SDK1: variants seen among roughly 807,000 people sequenced by gnomAD.
The protein encoded by SDK1 is sidekick cell adhesion molecule 1, also known as protein sidekick-1.
In SDK1, 157 loss-of-function variants were observed where a neutral mutation model predicts 245.5. That is an observed-to-expected ratio of 0.64 (90% confidence interval 0.56 to 0.73). The LOEUF (loss-of-function observed/expected upper bound fraction) is 0.73. SDK1 is among the 30% of genes least tolerant of loss of function. The pLI is 0.00. For missense variants in SDK1, 3,583 were observed against 3,002.3 expected, an observed-to-expected ratio of 1.19 and a Z score of -4.52; for synonymous variants, 1,647 against 1,278.5, an observed-to-expected ratio of 1.29 and a Z score of -6.15.
At chr7:3,516,991 G>T (rs1166215839) in intron 1 of SDK1, among the ~76,000 whole-genome samples, 2 of 152,148 alleles carry the variant, frequency 1.3e-5, no homozygotes, top group African/African-American at 2.4e-5. Flanking sequence ...TGATGAGTGT[G>T]TGTGCCTTTT....
At chr7:4,031,726 A>G (rs1350479960) in intron 17 of SDK1, among the ~76,000 whole-genome samples, 1 of 151,176 alleles carries the variant, frequency 6.6e-6, no homozygotes, top group Non-Finnish European at 1.5e-5. Flanking sequence ...TGATTATATC[A>G]ATAAATATAC....
intron 1 of SDK1, among the ~76,000 whole-genome samples, chr7:3,373,283 A>T (rs1411265781): frequency 6.6e-6 from 1 of 152,234 alleles, no homozygotes; most frequent in Non-Finnish European, 1.5e-5. Flanking sequence ...TGAAAGTCTC[A>T]TATAATTTAT....
intron 5 of SDK1, among the ~76,000 whole-genome samples, chr7:3,882,738 T>C (rs539759824): frequency 6.6e-6 from 1 of 152,016 alleles, no homozygotes; most frequent in African/African-American, 2.4e-5. Context: ...TTTTTTTTTT[T>C]AAAAGCCAAC....
chr7:3,858,729 T>C (rs1478527130), intron 5 of SDK1, among the ~76,000 whole-genome samples: 1 of 151,476 alleles, frequency 6.6e-6, no homozygotes, highest in East Asian at 1.9e-4. Context: ...CCCTATCAGG[T>C]GTCAAAGTGT....
At chr7:3,796,492 T>G (rs112732884) in intron 4 of SDK1, among the ~76,000 whole-genome samples, 119 of 152,278 alleles carry the variant, frequency 7.8e-4, no homozygotes, top group African/African-American at 2.8e-3. Flanking sequence ...AGAGCAGTGC[T>G]GGTCCCATTC....
intron 4 of SDK1, among the ~76,000 whole-genome samples, chr7:3,663,260 T>G (rs1783422070): frequency 6.6e-6 from 1 of 152,228 alleles, no homozygotes; most frequent in South Asian, 2.1e-4. Flanking sequence ...AATAGTACAG[T>G]GTCCTACATC....
intron 39 of SDK1, among the ~76,000 whole-genome samples, chr7:4,220,862 C>G (rs1012139600): frequency 2.0e-5 from 3 of 151,968 alleles, no homozygotes; most frequent in Non-Finnish European, 4.4e-5. Flanking sequence ...GCCTCAACCT[C>G]CCCCGGCTGA....
rs183164436 is a variant in SDK1 at position 4,009,661 on chromosome 7, T to G, written c.2132-1305T>G. Among the ~76,000 whole-genome samples, 367 of 152,334 alleles carry G rather than the reference T, an allele frequency of 2.4e-3. 4 individuals are homozygous for G. Among genetic ancestry groups the G allele is most frequent in the Non-Finnish European group, 3.3e-3 (222 of 68,034 alleles). On this transcript the variant is annotated intron_variant, in intron 14 of 44. Transcript: ENST00000404826. ...AGCCATTTTTGGAAGCAGCTTGATT[T>G]GAAATAATTAAAAAGATCCCATCTT...
At chr7:4,200,078 G>C (rs1291092626) in intron 35 of SDK1, among the ~76,000 whole-genome samples, 1 of 152,130 alleles carries the variant, frequency 6.6e-6, no homozygotes, top group African/African-American at 2.4e-5. Flanking sequence ...CTCTGTGACA[G>C]AGTGATACTC....
At chr7:3,353,910 G>A (rs1207247002) in intron 1 of SDK1, among the ~76,000 whole-genome samples, 1 of 151,914 alleles carries the variant, frequency 6.6e-6, no homozygotes, top group Non-Finnish European at 1.5e-5. Flanking sequence ...GGTTGGAGGT[G>A]AAAGTTACGT....
At chr7:4,179,445 C>G (rs936380699) in intron 35 of SDK1, among the ~76,000 whole-genome samples, 1 of 152,058 alleles carries the variant, frequency 6.6e-6, no homozygotes, top group Non-Finnish European at 1.5e-5. Flanking sequence ...GAGGGAAACA[C>G]ATCAGGTGAC....
Position 4,205,925 on chromosome 7 carries a change from C to T in SDK1, c.5145C>T (p.Ala1715=), listed in dbSNP as rs1160092575. The T allele has an allele frequency of 1.9e-6, 3 of 1,562,204 alleles. No individual in the cohort carries two copies. The highest frequency in any genetic ancestry group is 2.7e-5 in the African/African-American group (2 of 73,590). Residue 1715 remains alanine, a synonymous_variant, in exon 36 of 45, where the codon GCC becomes GCT. Coordinates refer to ENST00000404826, the MANE Select transcript of SDK1 (RefSeq NM_152744.4). ...PQNVQVTPLT[A]SQLEVTWDPP... ...ACGTGCAGGTGACCCCACTCACGGCCAGCCAGCTGGAGGTCACGTGGGACC... is the reference window on the plus strand; with the variant it reads ...ACGTGCAGGTGACCCCACTCACGGCTAGCCAGCTGGAGGTCACGTGGGACC...
intron 1 of SDK1, among the ~76,000 whole-genome samples, chr7:3,414,741 C>T (rs747688502): frequency 6.6e-6 from 1 of 152,194 alleles, no homozygotes; most frequent in Non-Finnish European, 1.5e-5. Context: ...AGCAATTCCT[C>T]CTACTCCTCC....
intron 4 of SDK1, among the ~76,000 whole-genome samples, chr7:3,665,808 T>G (rs920787969): frequency 6.6e-6 from 1 of 152,222 alleles, no homozygotes; most frequent in African/African-American, 2.4e-5. Flanking sequence ...AGTTGATTCA[T>G]GCTTGGAGTA....
At chr7:3,649,565 C>T (rs1782944401) in intron 4 of SDK1, among the ~76,000 whole-genome samples, 1 of 152,036 alleles carries the variant, frequency 6.6e-6, no homozygotes. Context: ...CTGTGGTATT[C>T]TCAATGTGAT....
intron 1 of SDK1, among the ~76,000 whole-genome samples, chr7:3,439,911 C>G (rs1215965737): frequency 2.8e-5 from 4 of 144,940 alleles, no homozygotes; most frequent in African/African-American, 1.0e-4. Context: ...ATTACATTAA[C>G]TCCCAAACTA....
intron 4 of SDK1, among the ~76,000 whole-genome samples, chr7:3,692,064 G>C (rs1007629866): frequency 3.3e-5 from 5 of 152,008 alleles, no homozygotes; most frequent in Admixed American, 3.3e-4. Context: ...TGAGCAAGAC[G>C]GTTATGCTTC....
chr7:3,341,537 C>T (rs755890140), intron 1 of SDK1, among the ~76,000 whole-genome samples: 4 of 152,186 alleles, frequency 2.6e-5, no homozygotes, highest in East Asian at 1.9e-4. Flanking sequence ...TCCCAGTTTA[C>T]GGATTACATC....
chr7:4,155,731 C>T (rs370754376), intron 30 of SDK1, among the ~76,000 whole-genome samples: 10 of 152,190 alleles, frequency 6.6e-5, no homozygotes, highest in East Asian at 5.8e-4. Context: ...TGAGAAACTT[C>T]GCAGATGGGG....
Sources: gnomAD v4.1 joint callset for allele counts (sites outside exome capture counted in the v4.1 genomes callset) on GRCh38, gnomAD v4.1.1 for gene constraint, MANE v1.5 for transcripts, NCBI Gene and HGNC (gene_info 2026-07-23, HGNC 2026-07-21) for gene names.